PREP: variants seen among roughly 807,000 people sequenced by gnomAD.
The protein encoded by PREP is dJ355L5.1 (prolyl endopeptidase).
A neutral mutation model predicts 87.6 loss-of-function variants in PREP; 29 were observed. The observed-to-expected ratio is 0.33, with a 90% CI of 0.25 to 0.45. The LOEUF is 0.45. Among genes scored for constraint, PREP ranks in the 20% least tolerant of loss-of-function variants. PREP has a pLI of 1.00. For synonymous variants in PREP, 337 were observed against 328.6 expected (o/e 1.03, Z -0.28); for missense variants, 695 against 886.5 (o/e 0.78, Z 2.74).
intron 6 of PREP, 74 bp from the exon 7 acceptor site, chr6:105,353,151 T>G (rs1211578816): frequency 1.5e-5 from 19 of 1,230,492 alleles, no homozygotes; most frequent in Non-Finnish European, 1.7e-5. Context: ...GAATATTAAG[T>G]TAAAAAATTA....
intron 10 of PREP, among the ~76,000 whole-genome samples, chr6:105,299,748 G>A (rs1206198502): frequency 2.6e-5 from 4 of 152,184 alleles, no homozygotes; most frequent in African/African-American, 7.2e-5. Context: ...TTTATTGGGT[G>A]CAATTATACA....
intron 10 of PREP, among the ~76,000 whole-genome samples, chr6:105,308,317 T>C (rs1770693093): frequency 6.6e-6 from 1 of 152,180 alleles, no homozygotes. Context: ...TCAACTGAAT[T>C]TACATGTCAG....
intron 10 of PREP, among the ~76,000 whole-genome samples, chr6:105,314,511 A>G (rs1465951983): frequency 6.6e-6 from 1 of 152,238 alleles, no homozygotes; most frequent in Non-Finnish European, 1.5e-5. Flanking sequence ...CAGCATCTCC[A>G]GCAGGAATAG....
rs1313291293 is a variant in PREP, at chr6:105,277,861, A to AATG, written c.*280_*282dup. The AATG allele has an allele frequency of 4.7e-5, 22 of 464,458 alleles. No homozygotes were observed. Among genetic ancestry groups the AATG allele is most frequent in the African/African-American group, 4.1e-4 (21 of 51,636 alleles). The allele number at this position is 464,458 out of a possible 1,614,324, so 28.8% of individuals were successfully genotyped here. ...CTTAATTCAGCAATCTAATATTCAC[A>AATG]ATGTGTTTGTTGCCATTTAGCTATT... On this transcript the variant is annotated 3_prime_UTR_variant, in exon 15 of 15. Coordinates refer to ENST00000652536, the MANE Select transcript of PREP (RefSeq NM_002726.5).
Position 105,391,034 on chromosome 6 carries a change from TACACACACAC to T in PREP, c.120+6809_120+6818del, listed in dbSNP as rs59538588. Reference sequence around the variant, plus strand: ...TGATTTATCTAAGTCTCTGGTTTTATACACACACACACACACACACACACACTTTTTTTTT... The same window carrying T: ...TGATTTATCTAAGTCTCTGGTTTTATACACACACACACACACTTTTTTTTT... On this transcript the variant is annotated intron_variant, in intron 2 of 14. Transcript: ENST00000652536. 4.4e-3 allele frequency among the ~76,000 whole-genome samples: 621 copies of T among 141,382 alleles called. 16 individuals are homozygous for T. In the East Asian group the frequency reaches 0.091, roughly 21 times the overall value. 92.8% of individuals were successfully genotyped at this position (141,382 alleles called of 152,430 possible).
At chr6:105,353,104 G>A in intron 6 of PREP, 27 bp from the exon 7 acceptor site, 1 of 1,504,884 alleles carries the variant, frequency 6.6e-7, no homozygotes, top group African/African-American at 1.4e-5. Context: ...AATAGTGCAG[G>A]GGACTAATTA....
In PREP at chr6:105,278,539, A is replaced by G. The variant is rs1284123497; in HGVS notation, c.1839-101T>C. The G allele has an allele frequency of 8.2e-7, 1 of 1,214,650 alleles. No homozygotes were observed. Among genetic ancestry groups the G allele is most frequent in the African/African-American group, 1.5e-5 (1 of 66,778 alleles). 75.2% of individuals were successfully genotyped at this position (1,214,650 alleles called of 1,614,324 possible). On this transcript the variant is annotated intron_variant, in intron 14 of 14. Coordinates refer to ENST00000652536, the MANE Select transcript of PREP (RefSeq NM_002726.5). The surrounding 1 kb of genome is among the most constrained non-coding windows in gnomAD (Gnocchi z 4.2). ...TTAGCAGTGAGGACTGCAGTTAACT[A>G]GTACGTGAGTGACCACCATGGACTG... is the stretch of plus-strand genomic sequence containing the variant.
intron 10 of PREP, among the ~76,000 whole-genome samples, chr6:105,313,661 C>T (rs926565940): frequency 6.6e-6 from 1 of 151,848 alleles, no homozygotes; most frequent in South Asian, 2.1e-4. Context: ...AGAAAAATCA[C>T]CTGCTTTTAT....
chr6:105,391,032 T>C (rs1200710723), intron 2 of PREP, among the ~76,000 whole-genome samples: 1 of 117,436 alleles, frequency 8.5e-6, no homozygotes, highest in African/African-American at 5.2e-5. Flanking sequence ...TCTCTGGTTT[T>C]ATACACACAC....
At position 105,334,713 on chromosome 6, in the gene PREP, TCAACAACAA is replaced by T. The variant is rs573991003; in HGVS notation, c.824-1217_824-1209del. ...AGCCTGAGCAGAGTGAGACTCTGTCTCAACAACAACAACAACAACAACAACAGAGATGCG... is the reference window on the plus strand; with the variant it reads ...AGCCTGAGCAGAGTGAGACTCTGTCTCAACAACAACAACAACAGAGATGCG... On this transcript the variant is annotated intron_variant, in intron 7 of 14. Transcript: ENST00000652536. 2.0e-5 allele frequency among the ~76,000 whole-genome samples: 3 copies of T among 150,074 alleles called. No homozygotes were observed. The East Asian group carries it at 5.9e-4, about 29-fold the overall frequency.
At chr6:105,304,692 C>T (rs76966840) in intron 10 of PREP, among the ~76,000 whole-genome samples, 73 of 151,966 alleles carry the variant, frequency 4.8e-4, no homozygotes, top group Non-Finnish European at 9.7e-4. Context: ...TAAATTAATG[C>T]CCAAACTGGA....
chr6:105,315,011 G>A (rs1291862749), intron 10 of PREP, among the ~76,000 whole-genome samples: 17 of 152,170 alleles, frequency 1.1e-4, no homozygotes. Flanking sequence ...TTGTCAATGA[G>A]CAGTAAATAT....
intron 12 of PREP, among the ~76,000 whole-genome samples, chr6:105,284,186 T>G (rs1037745818): frequency 5.3e-5 from 8 of 152,180 alleles, no homozygotes; most frequent in Non-Finnish European, 1.2e-4. Flanking sequence ...ATGAATTCTT[T>G]GCAGTTTCAA....
rs185646039 is a variant in PREP, at chr6:105,363,328, G to T, written c.717+5575C>A. 4.2e-4 allele frequency among the ~76,000 whole-genome samples: 64 copies of T among 152,212 alleles called. No homozygotes were observed. In the Middle Eastern group the frequency reaches 0.01, roughly 24 times the overall value. ...CTGGGAACAGTGCCACAAAGTGTTTGATTTCTTTAGGATTTTTTTTCTCCC... is the reference window on the plus strand; with the variant it reads ...CTGGGAACAGTGCCACAAAGTGTTTTATTTCTTTAGGATTTTTTTTCTCCC... On this transcript the variant is annotated intron_variant, in intron 6 of 14. Transcript: ENST00000652536.
intron 9 of PREP, among the ~76,000 whole-genome samples, chr6:105,328,462 C>T (rs1046113555): frequency 2.6e-5 from 4 of 152,042 alleles, no homozygotes; most frequent in Admixed American, 2.6e-4. Context: ...TCACCATTTG[C>T]CCAGGATGGT....
intron 14 of PREP, chr6:105,280,494 G>A (rs1770056056): frequency 6.6e-6 from 1 of 152,152 alleles, no homozygotes; most frequent in Admixed American, 6.5e-5. Flanking sequence ...CATAGTGGTT[G>A]CAGGATACAA....
chr6:105,377,389 T>G lies in PREP; in HGVS notation c.251A>C (p.Lys84Thr). ...PKYSCHFKKG[K>T]RYFYFYNTGL... ...AATTCAGTAAAAGCAGTCTCACCGT[T>G]TTCCTTTCTTGAAGTGGCAACTATA... Residue 84 changes from lysine (K) to threonine (T), a missense_variant, in exon 3 of 15, where the codon AAA (lysine) becomes ACA (threonine). By Grantham distance (78) the Lys-to-Thr change is moderately conservative. Around this residue, in one of 5 missense-constraint regions of PREP, gnomAD observed 517 missense variants for 620.3 expected, o/e 0.83. Transcript: ENST00000652536. 6.2e-7 allele frequency: 1 copy of G among 1,601,474 alleles called. No homozygotes were observed. Among genetic ancestry groups the G allele is most frequent in the Non-Finnish European group, 8.5e-7 (1 of 1,176,340 alleles).
intron 10 of PREP, among the ~76,000 whole-genome samples, chr6:105,297,139 CCTA>C: frequency 6.6e-6 from 1 of 152,286 alleles, no homozygotes; most frequent in East Asian, 1.9e-4. Context: ...TCTCAGCCAC[CCTA>C]CTTTCAACCC....
At chr6:105,288,238 A>C (rs1309914120) in intron 11 of PREP, among the ~76,000 whole-genome samples, 1 of 152,194 alleles carries the variant, frequency 6.6e-6, no homozygotes. Flanking sequence ...TACACTGAGG[A>C]CATTTTTGGT....
Sources: gnomAD v4.1 joint callset for allele counts (sites outside exome capture counted in the v4.1 genomes callset) on GRCh38, gnomAD v4.1.1 for gene constraint, gnomAD v4.1.1 regional missense constraint, Gnocchi (gnomAD v3.1) non-coding constraint, MANE v1.5 for transcripts, NCBI Gene and HGNC (gene_info 2026-07-23, HGNC 2026-07-21) for gene names.